The following RGS6 variants were observed in gnomAD, a reference collection of about 807,000 sequenced individuals.
RGS6 encodes regulator of G-protein signaling 6.
Under a neutral mutation model 78.5 loss-of-function variants are expected in RGS6, and 30 were observed. The observed-to-expected ratio is 0.38, with a 90% CI of 0.29 to 0.52. The LOEUF (loss-of-function observed/expected upper bound fraction) is 0.52, where lower values mean the gene tolerates loss of function less well. Ranked by LOEUF, RGS6 falls within the 20% of genes least tolerant of loss-of-function variation. The pLI, the probability that RGS6 is intolerant of heterozygous loss-of-function variation, is 0.85. For missense variants in RGS6, 495 were observed against 609.7 expected, an observed-to-expected ratio of 0.81 and a Z score of 1.98; for synonymous variants, 206 against 206.0, an observed-to-expected ratio of 1.00 and a Z score of 0.00.
intron 2 of RGS6, among the ~76,000 whole-genome samples, chr14:72,097,391 T>C (rs574538777): frequency 1.7e-4 from 26 of 151,388 alleles, no homozygotes; most frequent in Admixed American, 5.3e-4. Flanking sequence ...AGGAAGCACA[T>C]CTGAATGTAC....
chr14:72,593,125 A>AG, the RGS6 span, among the ~76,000 whole-genome samples: 2 of 152,186 alleles, frequency 1.3e-5, no homozygotes, highest in African/African-American at 4.8e-5. Context: ...AGAGGACAGA[A>AG]GGAAGGACTC....
chr14:72,267,963 ACACT>A (rs982116692), intron 2 of RGS6, among the ~76,000 whole-genome samples: 7 of 152,336 alleles, frequency 4.6e-5, no homozygotes, highest in African/African-American at 1.4e-4. Flanking sequence ...ACACACTCGC[ACACT>A]CACTCACACA....
chr14:71,984,828 A>AT (rs886886871), intron 2 of RGS6, among the ~76,000 whole-genome samples: 1 of 152,018 alleles, frequency 6.6e-6, no homozygotes, highest in African/African-American at 2.4e-5. Context: ...CTGCCAATGA[A>AT]TTTTTTTTCC....
rs570941397 is a variant in RGS6, at chr14:72,054,307, G to A, written c.84+89432G>A. ...GTTTTTCCTTCTTTCATAACAGTTC[G>A]CTCAATTAACTATACCAGAGGCATC... On this transcript the variant is annotated intron_variant, in intron 2 of 17. Transcript: ENST00000553525. Among the ~76,000 whole-genome samples, 100 of 152,134 alleles carry A rather than the reference G, an allele frequency of 6.6e-4. 2 individuals carry two copies. Among genetic ancestry groups the A allele is most frequent in the South Asian group, 4.4e-3 (21 of 4,812 alleles).
chr14:72,452,282 T>C (rs928645724), intron 3 of RGS6, among the ~76,000 whole-genome samples: 8 of 151,934 alleles, frequency 5.3e-5, no homozygotes, highest in African/African-American at 1.9e-4. Context: ...ACGAGTGTTT[T>C]TGATCTAAAG....
chr14:72,070,447 A>AT (rs1567144192), intron 2 of RGS6, among the ~76,000 whole-genome samples: 2 of 152,028 alleles, frequency 1.3e-5, no homozygotes, highest in African/African-American at 4.8e-5. Context: ...CTCAGGTTTG[A>AT]TTTTTTTCTT....
chr14:72,052,985 C>CTTTCTTTCTTTCTTTCTTTCTT (rs745409035), intron 2 of RGS6, among the ~76,000 whole-genome samples: 23 of 53,342 alleles, frequency 4.3e-4, no homozygotes, highest in East Asian at 7.1e-4. Context: ...TTCTTTCTTT[C>CTTTCTTTCTTTCTTTCTTTCTT]TCTCTCTCTC....
At chr14:71,955,335 C>T (rs534130051) in intron 1 of RGS6, among the ~76,000 whole-genome samples, 5 of 152,180 alleles carry the variant, frequency 3.3e-5, no homozygotes, top group African/African-American at 4.8e-5. Context: ...TAAATGGTAA[C>T]GTTACAGGAA....
At chr14:72,215,808 A>C (rs1157184845) in intron 2 of RGS6, among the ~76,000 whole-genome samples, 2 of 152,250 alleles carry the variant, frequency 1.3e-5, no homozygotes, top group African/African-American at 4.8e-5. Context: ...GTGGGAGCTA[A>C]GAACATAAAG....
At position 72,510,203 on chromosome 14, in the gene RGS6, G is replaced by A; in HGVS notation, c.1015G>A (p.Glu339Lys). 6.2e-7 allele frequency: 1 copy of A among 1,613,476 alleles called. No individual in the cohort carries two copies. Among genetic ancestry groups the A allele is most frequent in the Non-Finnish European group, 8.5e-7 (1 of 1,179,834 alleles). ...AAAAAGATGGGGCTTCTCTTTCGAT[G>A]AGATATTGAAGGACCAGGTGGGGCG... ...RVKRWGFSFD[E>K]ILKDQVGRDQ... Residue 339 changes from glutamate to lysine, a missense_variant, in exon 14 of 18, where the codon GAG becomes AAG. Physicochemically the swap from Glu to Lys is moderately conservative, Grantham distance 56 (BLOSUM62 1). Coordinates refer to ENST00000553525, the MANE Select transcript of RGS6 (RefSeq NM_001204424.2).
chr14:71,979,365 A>G (rs1291010047), intron 2 of RGS6, among the ~76,000 whole-genome samples: 1 of 146,746 alleles, frequency 6.8e-6, no homozygotes, highest in African/African-American at 2.5e-5. Context: ...TAGGGTGTCA[A>G]TTTTGGATCT....
chr14:71,987,262 G>A (rs1482162011), intron 2 of RGS6, among the ~76,000 whole-genome samples: 1 of 152,086 alleles, frequency 6.6e-6, no homozygotes, highest in Non-Finnish European at 1.5e-5. Context: ...AACTAAGTCT[G>A]GGATGTCTGT....
the RGS6 span, among the ~76,000 whole-genome samples, chr14:72,592,886 C>T: frequency 0.011 from 1,684 of 152,294 alleles, 53 homozygotes; most frequent in East Asian, 0.06. Context: ...ATGTGGCTGA[C>T]CTACAAACTC....
At position 72,225,333 on chromosome 14, in the gene RGS6, T is replaced by G. The variant is rs115719191; in HGVS notation, c.85-126762T>G. 5.9e-3 allele frequency among the ~76,000 whole-genome samples: 904 copies of G among 152,312 alleles called. 8 individuals carry two copies. Among genetic ancestry groups the G allele is most frequent in the African/African-American group, 0.021 (873 of 41,564 alleles). On this transcript the variant is annotated intron_variant, in intron 2 of 17. Coordinates refer to ENST00000553525, the MANE Select transcript of RGS6 (RefSeq NM_001204424.2). ...ACATTCACTGTGTTTATTTTTTATT[T>G]TATTTTTGAGACAGGGCCTCATGCT...
intron 2 of RGS6, among the ~76,000 whole-genome samples, chr14:71,991,622 C>T (rs1398906338): frequency 6.6e-6 from 1 of 152,006 alleles, no homozygotes; most frequent in African/African-American, 2.4e-5. Flanking sequence ...ATGTAACAAC[C>T]CCCTGCTCAG....
At chr14:72,468,991 G>A (rs775657697) in intron 7 of RGS6, among the ~76,000 whole-genome samples, 8 of 152,054 alleles carry the variant, frequency 5.3e-5, no homozygotes, top group Non-Finnish European at 1.2e-4. Context: ...AGCATAATAT[G>A]GGCTCCGGCC....
At chr14:71,930,977 CAAAAAAAAAAAAAAAAAAAAAAAAA>C (rs58649273), upstream of RGS6, among the ~76,000 whole-genome samples, 2 of 16,602 alleles carry the variant, frequency 1.2e-4, no homozygotes, top group Admixed American at 1.1e-3. Context: ...AACTACGTCT[CAAAAAAAAAAAAAAAAAAAAAAAAA>C]AAAAAAAAAA....
the RGS6 span, among the ~76,000 whole-genome samples, chr14:71,915,275 G>A: frequency 6.6e-6 from 1 of 151,680 alleles, no homozygotes; most frequent in Non-Finnish European, 1.5e-5. Context: ...AAAAGAAAAA[G>A]TTCAACTTGG....
intron 1 of RGS6, among the ~76,000 whole-genome samples, chr14:71,956,320 C>T (rs2092780561): frequency 7.1e-6 from 1 of 141,732 alleles, no homozygotes; most frequent in South Asian, 2.4e-4. Flanking sequence ...CCTAGAGGGA[C>T]AGAACTAATA....
Sources: allele counts gnomAD v4.1 joint callset (sites outside exome capture counted in the v4.1 genomes callset), GRCh38; gene constraint gnomAD v4.1.1; transcripts MANE v1.5; gene names NCBI Gene and HGNC (gene_info 2026-07-23, HGNC 2026-07-21).